Variants in ZSCAN29 observed in about 807,000 individuals in gnomAD.
ZSCAN29 encodes zinc finger and SCAN domain containing 29.
A neutral mutation model predicts 71.9 loss-of-function variants in ZSCAN29; 55 were observed. The observed-to-expected ratio is 0.76, with a 90% CI of 0.62 to 0.96. ZSCAN29 has a LOEUF of 0.96. ZSCAN29 is among the 40% of genes least tolerant of loss of function. ZSCAN29 has a pLI of 0.00. For synonymous variants in ZSCAN29, 351 were observed against 371.6 expected, an observed-to-expected ratio of 0.94 and a Z score of 0.64; for missense variants, 1,042 against 1,042.2, an observed-to-expected ratio of 1.00 and a Z score of 0.00.
Position 43,366,765 on chromosome 15 carries a change from T to G in ZSCAN29, c.567A>C (p.Gln189His), listed in dbSNP as rs770067127. ...PKSGVVSRLE[Q>H]GEPWIPDLLG... is the part of the protein sequence containing the mutation. ...GCAGATCTGGGATCCATGGCTCTCC[T>G]TGCTCCAACCTGGAGACCACACCGG... Residue 189 changes from glutamine to histidine, a missense_variant, in exon 4 of 6, where the codon CAA (glutamine) becomes CAC (histidine). Physicochemically the swap from Gln to His is conservative, Grantham distance 24. Transcript: ENST00000684362. The G allele has an allele frequency of 1.9e-6, 3 of 1,613,936 alleles. No individual in the cohort carries two copies. In the African/African-American group the frequency reaches 4.0e-5, roughly 22 times the overall value.
At position 43,364,227 on chromosome 15, in the gene ZSCAN29, G is replaced by C. The variant is rs771201858; in HGVS notation, c.1378C>G (p.Gln460Glu). The C allele has an allele frequency of 6.2e-7, 1 of 1,614,210 alleles. No homozygotes were observed. Among genetic ancestry groups the C allele is most frequent in the South Asian group, 1.1e-5 (1 of 91,088 alleles). ...WEYGFLRTPE[Q>E]CRTKFKSLQT... ...AGGCTTTTAAACTTGGTCCGACACT[G>C]TTCTGGGGTCCTAAGAAAGCCATAT... is the stretch of plus-strand genomic sequence containing the variant. The change falls in exon 5 of 6, where the codon CAG becomes GAG. Residue 460 changes from glutamine to glutamate, a missense_variant. Coordinates refer to ENST00000684362, the MANE Select transcript of ZSCAN29 (RefSeq NM_001372080.1).
rs768468072 is a variant in ZSCAN29 at position 43,361,800 on chromosome 15, C to T, written c.1832G>A (p.Cys611Tyr). 17 of 1,614,204 alleles carry T rather than the reference C, an allele frequency of 1.1e-5. No homozygotes were observed. The East Asian group carries it at 3.3e-4, about 32-fold the overall frequency. Residue 611 changes from cysteine to tyrosine, a missense_variant, in exon 6 of 6, where the codon TGT (cysteine) becomes TAT (tyrosine). Coordinates refer to ENST00000684362, the MANE Select transcript of ZSCAN29 (RefSeq NM_001372080.1). The part of the protein sequence containing the change: ...LHQGKGNESD[C>Y]RSGRQWAKTS... ...CTTTGCCCACTGTCTTCCTGATCTACAGTCACTCTCATTGCCTTTACCCTG... is the reference window on the plus strand; with the variant it reads ...CTTTGCCCACTGTCTTCCTGATCTATAGTCACTCTCATTGCCTTTACCCTG...
rs1463068544 is a variant in ZSCAN29 at position 43,370,997 on chromosome 15, C to T, written c.-552G>A. 2 of 332,680 alleles carry T rather than the reference C, an allele frequency of 6.0e-6. No individual in the cohort carries two copies. Among genetic ancestry groups the T allele is most frequent in the African/African-American group, 4.3e-5 (2 of 46,514 alleles). The allele number at this position is 332,680 out of a possible 1,614,324, so 20.6% of individuals were successfully genotyped here. The stretch of plus-strand genomic sequence containing the variant: ...CTGACCCCGGCCCCGGCCCCGGCCC[C>T]GGCCCCGGCTCTCCAGCCTCCCAAG... On this transcript the variant is annotated 5_prime_UTR_variant, in exon 1 of 6. Transcript: ENST00000684362.
intron 3 of ZSCAN29, 38 bp from the exon 4 acceptor site, chr15:43,366,846 G>C: frequency 6.5e-7 from 1 of 1,547,092 alleles, no homozygotes; most frequent in East Asian, 2.2e-5. Context: ...GTCATAGTTT[G>C]GACTGATTAT....
Position 43,358,925 on chromosome 15 carries a change from A to C in ZSCAN29, c.*2148T>G, listed in dbSNP as rs764111575. The stretch of plus-strand genomic sequence containing the variant: ...ATTCTCTCTGCCTGCTGCACAGCCC[A>C]TATCATACTATTCCTCAAGTTCTCA... On this transcript the variant is annotated 3_prime_UTR_variant, in exon 6 of 6. Transcript: ENST00000684362. The C allele has an allele frequency of 6.6e-6, 1 of 152,272 alleles. No homozygotes were observed. The highest frequency in any genetic ancestry group is 2.4e-5 in the African/African-American group (1 of 41,448). 9.4% of individuals were successfully genotyped at this position (152,272 alleles called of 1,614,324 possible).
chr15:43,361,224 G>T lies in ZSCAN29; in HGVS notation c.2408C>A (p.Ser803Tyr). 1 of 1,614,204 alleles carries T rather than the reference G, an allele frequency of 6.2e-7. No individual in the cohort carries two copies. The highest frequency in any genetic ancestry group is 8.5e-7 in the Non-Finnish European group (1 of 1,180,038). ...GGTTCTATGATGTGCACGTAAGTCA[G>T]AACTCTTACTGAAACTCTTTCCACA... is the stretch of plus-strand genomic sequence containing the variant. ...PDCGKSFSKS[S>Y]DLRAHHRTHT... Residue 803 changes from serine to tyrosine, a missense_variant, in exon 6 of 6, where the codon TCT becomes TAT. By Grantham distance (144) the Ser-to-Tyr change is moderately radical. Transcript: ENST00000684362.
chr15:43,370,047 C>G (rs1438892891), intron 1 of ZSCAN29, 22 bp from the exon 2 acceptor site: 3 of 911,936 alleles, frequency 3.3e-6, no homozygotes, highest in Non-Finnish European at 4.9e-6. Context: ...AAAGATGGCA[C>G]TATCAGAAGG....
chr15:43,367,732 G>A (rs977095874), intron 3 of ZSCAN29, among the ~76,000 whole-genome samples: 5 of 152,184 alleles, frequency 3.3e-5, no homozygotes, highest in Admixed American at 6.5e-5. Flanking sequence ...CCTGCAAGAT[G>A]TTGAGCACCT....
Position 43,360,901 on chromosome 15 carries a change from GCCTT to G in ZSCAN29, c.*168_*171del. ...AAATCTTCCTTTCATTCTTTAGACTGCCTTGGGGATTTGAGTCTAGATCAGGAAA... is the reference window on the plus strand; with the variant it reads ...AAATCTTCCTTTCATTCTTTAGACTGGGGGATTTGAGTCTAGATCAGGAAA... On this transcript the variant is annotated 3_prime_UTR_variant, in exon 6 of 6. Transcript: ENST00000684362. 1 of 853,184 alleles carries G rather than the reference GCCTT, an allele frequency of 1.2e-6. No homozygotes were observed. The highest frequency in any genetic ancestry group is 2.5e-5 in the East Asian group (1 of 40,758). The allele number at this position is 853,184 out of a possible 1,614,324, so 52.9% of individuals were successfully genotyped here.
rs767615218 is a variant in ZSCAN29 at position 43,361,195 on chromosome 15, T to A, written c.2437A>T (p.Thr813Ser). The A allele has an allele frequency of 1.2e-6, 2 of 1,614,212 alleles. No individual in the cohort carries two copies. Among genetic ancestry groups the A allele is most frequent in the East Asian group, 4.5e-5 (2 of 44,886 alleles). ...TGACACCCATAGGGTTTCTCTCCTGTGTGGGTTCTATGATGTGCACGTAAG... is the reference window on the plus strand; with the variant it reads ...TGACACCCATAGGGTTTCTCTCCTGAGTGGGTTCTATGATGTGCACGTAAG... ...SDLRAHHRTH[T>S]GEKPYGCHDC... The change falls in exon 6 of 6, where the codon ACA (threonine) becomes TCA (serine). Residue 813 changes from threonine to serine, a missense_variant. By Grantham distance (58) the Thr-to-Ser change is moderately conservative. Coordinates refer to ENST00000684362, the MANE Select transcript of ZSCAN29 (RefSeq NM_001372080.1).
rs2043970497 is a variant in ZSCAN29, at chr15:43,360,799, T to C, written c.*274A>G. 5.0e-6 allele frequency: 2 copies of C among 399,556 alleles called. No individual in the cohort carries two copies. Among genetic ancestry groups the C allele is most frequent in the African/African-American group, 2.0e-5 (1 of 50,696 alleles). The allele number at this position is 399,556 out of a possible 1,614,324, so 24.8% of individuals were successfully genotyped here. A position where few individuals can be genotyped will look rare whatever the true frequency, so the allele number is the denominator to read the frequency against. ...TCTATTACCTTGTCCTCTGTGCTTA[T>C]ATTAAGGGAACACCATAGGCACTGA... is the stretch of plus-strand genomic sequence containing the variant. On this transcript the variant is annotated 3_prime_UTR_variant, in exon 6 of 6. Coordinates refer to ENST00000684362, the MANE Select transcript of ZSCAN29 (RefSeq NM_001372080.1).
rs780669763 is a variant in ZSCAN29 at position 43,364,053 on chromosome 15, T to C, written c.1552A>G (p.Ser518Gly). The C allele has an allele frequency of 9.3e-6, 15 of 1,614,084 alleles. No homozygotes were observed. In the Admixed American group the frequency reaches 1.3e-4, roughly 14 times the overall value. ...ETASCPVQGTSEAEAQKQAEE... is the reference protein window; with the variant it reads ...ETASCPVQGTGEAEAQKQAEE... The stretch of plus-strand genomic sequence containing the variant: ...GCTTGCTTCTGAGCTTCAGCCTCAC[T>C]GGTCCCCTGGACGGGGCAAGAAGCA... Residue 518 changes from serine (S) to glycine (G), a missense_variant, in exon 5 of 6, where the codon AGT becomes GGT. Transcript: ENST00000684362.
Position 43,368,910 on chromosome 15 carries a change from A to G in ZSCAN29, c.523+13T>C. The stretch of plus-strand genomic sequence containing the variant: ...AATGGCAGTCTATCTTCCCATATGA[A>G]TCTACTCCTCACCGCTCCTTTGAAA... On this transcript the variant is annotated intron_variant, in intron 3 of 5. Coordinates refer to ENST00000684362, the MANE Select transcript of ZSCAN29 (RefSeq NM_001372080.1). 6.3e-7 allele frequency: 1 copy of G among 1,581,804 alleles called. No homozygotes were observed. Among genetic ancestry groups the G allele is most frequent in the Non-Finnish European group, 8.6e-7 (1 of 1,163,790 alleles).
Position 43,361,892 on chromosome 15 carries a change from A to AGTTTT in ZSCAN29, c.1739_1740insAAAAC (p.Glu581LysfsTer50). 2 of 1,613,842 alleles carry AGTTTT rather than the reference A, an allele frequency of 1.2e-6. No homozygotes were observed. The highest frequency in any genetic ancestry group is 1.7e-4 in the Middle Eastern group (1 of 6,060). On this transcript the variant is annotated frameshift_variant, in exon 6 of 6. Transcript: ENST00000684362. LOFTEE classifies it high-confidence loss of function. ...ATGTCCTATGCAGTTGTACTTCCTC[A>AGTTTT]GAAATATCCCGTTTTGAATTATCTT... is the stretch of plus-strand genomic sequence containing the variant.
At chr15:43,369,336 C>T (rs969231400) in intron 2 of ZSCAN29, 27 of 598,688 alleles carry the variant, frequency 4.5e-5, no homozygotes, top group Non-Finnish European at 6.8e-5. Context: ...AAATAGTAAA[C>T]CCACCTTCAG....
Position 43,361,739 on chromosome 15 carries a change from C to T in ZSCAN29, c.1893G>A (p.Pro631=), listed in dbSNP as rs755380911. 3.8e-5 allele frequency: 61 copies of T among 1,614,018 alleles called. No homozygotes were observed. The highest frequency in any genetic ancestry group is 9.9e-5 in the South Asian group (9 of 91,086). The stretch of plus-strand genomic sequence containing the variant: ...TTAGGACTTCACTTAAGCTCTTCTC[C>T]GGGAGTGTCAGTTTTCCTCTTTTCT... ...SGEKRGKLTL[P]EKSLSEVLSQ... Residue 631 remains proline, a synonymous_variant, in exon 6 of 6, where the codon CCG becomes CCA. Coordinates refer to ENST00000684362, the MANE Select transcript of ZSCAN29 (RefSeq NM_001372080.1).
chr15:43,370,802 G>C lies in ZSCAN29; in HGVS notation c.-357C>G, dbSNP rs2044098460. 1 of 153,128 alleles carries C rather than the reference G, an allele frequency of 6.5e-6. No homozygotes were observed. The allele number at this position is 153,128 out of a possible 1,614,324, so 9.5% of individuals were successfully genotyped here. A position where few individuals can be genotyped will look rare whatever the true frequency, so the allele number is the denominator to read the frequency against. Reference sequence around the variant, plus strand: ...GGCCTCTTTTGTCTCCGCTCCCTCCGGCCGGGTAACCCGGAGCCGTCGTGC... The same window carrying C: ...GGCCTCTTTTGTCTCCGCTCCCTCCCGCCGGGTAACCCGGAGCCGTCGTGC... On this transcript the variant is annotated 5_prime_UTR_variant, in exon 1 of 6. Coordinates refer to ENST00000684362, the MANE Select transcript of ZSCAN29 (RefSeq NM_001372080.1).
In ZSCAN29 at chr15:43,361,098, A is replaced by C. The variant is rs762034528; in HGVS notation, c.2534T>G (p.Leu845Arg). 11 of 1,603,434 alleles carry C rather than the reference A, an allele frequency of 6.9e-6. 1 individual carries two copies. The South Asian group carries it at 1.2e-4, about 18-fold the overall frequency. ...KHGEIHAREK[L>R]LTQSAPK Reference sequence around the variant, plus strand: ...TTACTTGGGAGCTGACTGTGTCAGAAGCTTTTCCCGTGCATGGATTTCTCC... The same window carrying C: ...TTACTTGGGAGCTGACTGTGTCAGACGCTTTTCCCGTGCATGGATTTCTCC... Residue 845 changes from leucine (L) to arginine (R), a missense_variant, in exon 6 of 6, where the codon CTT becomes CGT. Physicochemically the swap from Leu to Arg is moderately radical, Grantham distance 102. Coordinates refer to ENST00000684362, the MANE Select transcript of ZSCAN29 (RefSeq NM_001372080.1).
intron 3 of ZSCAN29, among the ~76,000 whole-genome samples, chr15:43,367,928 A>G (rs534960361): frequency 6.6e-6 from 1 of 152,340 alleles, no homozygotes; most frequent in East Asian, 1.9e-4. Flanking sequence ...AGCATACAAC[A>G]TGGAGATCAA....
Sources: allele counts gnomAD v4.1 joint callset (sites outside exome capture counted in the v4.1 genomes callset), GRCh38; gene constraint gnomAD v4.1.1; transcripts MANE v1.5; gene names NCBI Gene and HGNC (gene_info 2026-07-23, HGNC 2026-07-21).